DDX42: variants seen among roughly 807,000 people sequenced by gnomAD.
DDX42 encodes ATP-dependent RNA helicase DDX42.
Under a neutral mutation model 101.5 loss-of-function variants are expected in DDX42, and 22 were observed. That is an observed-to-expected ratio of 0.22 (90% CI 0.15 to 0.31). DDX42 has a LOEUF of 0.31. DDX42 is among the 10% of genes least tolerant of loss of function. The pLI is 1.00. For synonymous variants in DDX42, 402 were observed against 401.2 expected (o/e 1.00, Z -0.02); for missense variants, 849 against 1,199.9 (o/e 0.71, Z 4.32).
Position 63,781,825 on chromosome 17 carries a change from A to G in DDX42, c.-16-5209A>G, listed in dbSNP as rs1263057013. 3.4e-5 allele frequency among the ~76,000 whole-genome samples: 5 copies of G among 146,020 alleles called. No individual in the cohort carries two copies. The East Asian group carries it at 7.9e-4, about 23-fold the overall frequency. ...GGAGATCGAGACCATCCTGGCTAAC[A>G]TGGTGAAACCCCGTCTCTACTAAAA... On this transcript the variant is annotated intron_variant, in intron 1 of 17. Transcript: ENST00000389924.
At chr17:63,789,079 CT>C (rs894907498) in intron 2 of DDX42, among the ~76,000 whole-genome samples, 15 of 145,550 alleles carry the variant, frequency 1.0e-4, no homozygotes, top group African/African-American at 3.2e-4. Context: ...ATTTTTTATT[CT>C]TTTTTTTTTC....
Position 63,818,235 on chromosome 17 carries a change from G to A in DDX42, c.2654G>A (p.Ser885Asn), listed in dbSNP as rs2040003597. The change falls in exon 18 of 18, where the codon AGC becomes AAC. Residue 885 changes from serine to asparagine, a missense_variant. Coordinates refer to ENST00000389924, the MANE Select transcript of DDX42 (RefSeq NM_203499.3). ...GCAAATGATGGTCGGAATGGGGAAA[G>A]CAGGAAAGAAGCTTTTAATCGTGAG... ...RGANDGRNGESRKEAFNRESK... is the reference protein window; with the variant it reads ...RGANDGRNGENRKEAFNRESK... 6.2e-7 allele frequency: 1 copy of A among 1,614,134 alleles called. No individual in the cohort carries two copies. Among genetic ancestry groups the A allele is most frequent in the East Asian group, 2.2e-5 (1 of 44,884 alleles).
intron 1 of DDX42, among the ~76,000 whole-genome samples, chr17:63,784,777 A>G (rs2039526564): frequency 7.4e-6 from 1 of 135,434 alleles, no homozygotes. Flanking sequence ...GTCTTAAAAA[A>G]AGATTTTTTT....
chr17:63,786,978 T>G, intron 1 of DDX42, 56 bp from the exon 2 acceptor site: 1 of 1,586,166 alleles, frequency 6.3e-7, no homozygotes, highest in Non-Finnish European at 8.6e-7. Context: ...GCCCGGCCCT[T>G]GGGGCTATAC....
At chr17:63,796,233 T>A (rs1033189236) in intron 3 of DDX42, among the ~76,000 whole-genome samples, 1 of 152,164 alleles carries the variant, frequency 6.6e-6, no homozygotes, top group African/African-American at 2.4e-5. Context: ...AAATGTAGAT[T>A]TATGGTAGTA....
intron 9 of DDX42, 107 bp from the exon 10 acceptor site, chr17:63,808,713 T>A: frequency 1.4e-6 from 2 of 1,389,394 alleles, no homozygotes; most frequent in Non-Finnish European, 2.0e-6. Flanking sequence ...ATGTTCTAGG[T>A]TTCGATTTTT....
chr17:63,795,939 C>G (rs1309140611), intron 3 of DDX42, among the ~76,000 whole-genome samples: 2 of 152,210 alleles, frequency 1.3e-5, no homozygotes, highest in Non-Finnish European at 2.9e-5. Flanking sequence ...CTGCCACTTA[C>G]AAACTATACA....
intron 4 of DDX42, among the ~76,000 whole-genome samples, chr17:63,798,933 A>G (rs1290280942): frequency 1.3e-5 from 2 of 152,078 alleles, no homozygotes; most frequent in African/African-American, 4.8e-5. Context: ...AGGAATAGCA[A>G]GCGCTCTAGG....
At chr17:63,777,161 G>C (rs2144516636) in intron 1 of DDX42, among the ~76,000 whole-genome samples, 1 of 152,242 alleles carries the variant, frequency 6.6e-6, no homozygotes, top group South Asian at 2.1e-4. Flanking sequence ...CTCCCACCTT[G>C]GCCTCCCAAA....
rs117794955 is a variant in DDX42, at chr17:63,777,956, T to C, written c.-17+3580T>C. ...ACGTGTGGAGAGACCCTGGGAAATA[T>C]GAATGGTAAAGTAGTTTGATGCCAC... On this transcript the variant is annotated intron_variant, in intron 1 of 17. Transcript: ENST00000389924. Among the ~76,000 whole-genome samples the C allele has an allele frequency of 2.3e-3, 352 of 152,288 alleles. 4 individuals carry two copies. The highest frequency in any genetic ancestry group is 0.012 in the East Asian group (61 of 5,182).
At chr17:63,806,503 A>C in intron 7 of DDX42, 32 bp from the exon 8 acceptor site, 1 of 1,596,876 alleles carries the variant, frequency 6.3e-7, no homozygotes, top group Non-Finnish European at 8.5e-7. Context: ...GTTGAAGTAC[A>C]AGTCATTCTG....
At position 63,792,414 on chromosome 17, in the gene DDX42, A is replaced by G. The variant is rs774955726; in HGVS notation, c.224A>G (p.Tyr75Cys). ...CCAGTTTGCTTTCTAATTCTCAGCTATTTTGAAGATGAGGAAGAAGATTCT... is the reference window on the plus strand; with the variant it reads ...CCAGTTTGCTTTCTAATTCTCAGCTGTTTTGAAGATGAGGAAGAAGATTCT... ...KRANFDEENA[Y>C]FEDEEEDSSN... The change falls in exon 3 of 18, where the codon TAT becomes TGT. Residue 75 changes from tyrosine (Y) to cysteine (C), a missense_variant and splice_region_variant. This residue lies in a region of DDX42 where 92 missense variants were observed against 106.7 expected (regional missense o/e 0.86). Transcript: ENST00000389924. 3.1e-6 allele frequency: 5 copies of G among 1,611,274 alleles called. No homozygotes were observed. Among genetic ancestry groups the G allele is most frequent in the Middle Eastern group, 1.7e-4 (1 of 6,050 alleles).
chr17:63,801,032 C>G (rs1217724371), intron 6 of DDX42, among the ~76,000 whole-genome samples: 1 of 137,514 alleles, frequency 7.3e-6, no homozygotes, highest in Non-Finnish European at 1.6e-5. Flanking sequence ...TTCTTCTCTT[C>G]TCTTTCTTCT....
intron 1 of DDX42, among the ~76,000 whole-genome samples, chr17:63,780,845 C>G (rs1207763235): frequency 6.6e-6 from 1 of 152,122 alleles, no homozygotes; most frequent in African/African-American, 2.4e-5. Context: ...TCACTCCTTC[C>G]CTCTAGCTTT....
chr17:63,798,193 G>GGCCGGGCGCGGTGGCTC, intron 4 of DDX42, 94 bp downstream of exon 4: 2 of 1,143,466 alleles, frequency 1.7e-6, no homozygotes, highest in Non-Finnish European at 2.6e-6. Context: ...AAAAAATATT[G>GGCCGGGCGCGGTGGCTC]ACGTACACTT....
chr17:63,803,806 C>G (rs985673588), intron 6 of DDX42, among the ~76,000 whole-genome samples: 81 of 151,534 alleles, frequency 5.3e-4, no homozygotes, highest in African/African-American at 1.9e-3. Flanking sequence ...TGTGCCACTA[C>G]GCCCGGCTAA....
At position 63,818,211 on chromosome 17, in the gene DDX42, CAAA is replaced by C; in HGVS notation, c.2631_2633del (p.Asn878del). On this transcript the variant is annotated inframe_deletion, in exon 18 of 18. Transcript: ENST00000389924. ...GGCCGGCATGGGGAGAACCGGGGTGCAAATGATGGTCGGAATGGGGAAAGCAGG... is the reference window on the plus strand; with the variant it reads ...GGCCGGCATGGGGAGAACCGGGGTGCTGATGGTCGGAATGGGGAAAGCAGG... 6.2e-7 allele frequency: 1 copy of C among 1,613,880 alleles called. No individual in the cohort carries two copies. Among genetic ancestry groups the C allele is most frequent in the African/African-American group, 1.3e-5 (1 of 74,956 alleles).
chr17:63,784,991 A>G (rs1319131246), intron 1 of DDX42, among the ~76,000 whole-genome samples: 1 of 152,220 alleles, frequency 6.6e-6, no homozygotes, highest in African/African-American at 2.4e-5. Context: ...TGAAGAAATC[A>G]CTAAGACAAT....
intron 14 of DDX42, 89 bp from the exon 15 acceptor site, chr17:63,813,139 A>T: frequency 2.4e-6 from 3 of 1,243,046 alleles, no homozygotes; most frequent in Non-Finnish European, 3.3e-6. Flanking sequence ...GATAAAGGAA[A>T]TGTGGCTTAT....
Sources: allele counts gnomAD v4.1 joint callset (sites outside exome capture counted in the v4.1 genomes callset), GRCh38; gene constraint gnomAD v4.1.1; regional missense constraint gnomAD v4.1.1; transcripts MANE v1.5; gene names NCBI Gene and HGNC (gene_info 2026-07-23, HGNC 2026-07-21).